MAST2: variants seen among roughly 807,000 people sequenced by gnomAD.
The protein encoded by MAST2 is microtubule associated serine/threonine kinase 2.
Under a neutral mutation model 147.4 loss-of-function variants are expected in MAST2, and 70 were observed. The observed-to-expected ratio is 0.47, with a 90% CI of 0.39 to 0.58. The LOEUF (loss-of-function observed/expected upper bound fraction) is 0.58, where lower values mean the gene tolerates loss of function less well. MAST2 is among the 20% of genes least tolerant of loss of function. MAST2 has a pLI of 0.00. For synonymous variants in MAST2, 869 were observed against 896.8 expected (o/e 0.97, Z 0.55); for missense variants, 2,080 against 2,302.3 (o/e 0.90, Z 1.98).
chr1:45,874,249 A>G (rs1033666207), intron 3 of MAST2, among the ~76,000 whole-genome samples: 4 of 152,130 alleles, frequency 2.6e-5, no homozygotes, highest in African/African-American at 9.7e-5. Flanking sequence ...AGTTTTCCAA[A>G]CTTTAAATTT....
intron 5 of MAST2, among the ~76,000 whole-genome samples, chr1:45,976,526 T>C (rs1478407447): frequency 6.6e-6 from 1 of 152,152 alleles, no homozygotes; most frequent in Admixed American, 6.5e-5. Context: ...CAAGGAAAAC[T>C]CTGGAAACAT....
At chr1:45,913,682 A>G (rs1652019714) in intron 4 of MAST2, 1 of 1,023,724 alleles carries the variant, frequency 9.8e-7, no homozygotes, top group South Asian at 3.3e-5. Context: ...TCTGAAGATC[A>G]TGTTTTTGAA....
intron 4 of MAST2, among the ~76,000 whole-genome samples, chr1:45,939,980 G>GTTTTTTTTTTTTTTTTTTTTTTTT (rs1174123217): frequency 6.2e-5 from 6 of 97,286 alleles, no homozygotes; most frequent in East Asian, 3.6e-4. Context: ...TTTATTTAGG[G>GTTTTTTTTTTTTTTTTTTTTTTTT]TTTTTTTTTT....
At chr1:46,006,564 G>C in intron 8 of MAST2, 169 bp downstream of exon 8, 1 of 462,560 alleles carries the variant, frequency 2.2e-6, no homozygotes. Context: ...TAGTATGAAA[G>C]TATCCACAAA....
chr1:45,916,279 T>C (rs1432825421), intron 4 of MAST2, among the ~76,000 whole-genome samples: 1 of 152,212 alleles, frequency 6.6e-6, no homozygotes, highest in Admixed American at 6.5e-5. Context: ...CAGGTACTTA[T>C]GTGATACTTA....
At chr1:45,840,564 G>A (rs1397123800) in intron 3 of MAST2, among the ~76,000 whole-genome samples, 2 of 152,030 alleles carry the variant, frequency 1.3e-5, no homozygotes, top group African/African-American at 2.4e-5. Flanking sequence ...TTAAGACTTC[G>A]CTCATGCAGT....
Position 46,030,138 on chromosome 1 carries a change from A to G in MAST2, c.2453A>G (p.Glu818Gly). The change falls in exon 21 of 29, where the codon GAG becomes GGG. Residue 818 changes from glutamate (E) to glycine (G), a missense_variant. Physicochemically the swap from Glu to Gly is moderately conservative, Grantham distance 98 (BLOSUM62 -2). This residue lies in a region of MAST2 where 1,278 missense variants were observed against 1,304.2 expected (regional missense o/e 0.98). Transcript: ENST00000361297. ...DDTSYFDTRS[E>G]RYHHMDSEDE... Reference sequence around the variant, plus strand: ...TTTATGTCTGGCCCAGCCCGCTCAGAGCGATACCACCACATGGACTCGGAG... The same window carrying G: ...TTTATGTCTGGCCCAGCCCGCTCAGGGCGATACCACCACATGGACTCGGAG... 6.2e-7 allele frequency: 1 copy of G among 1,614,224 alleles called. No individual in the cohort carries two copies.
In MAST2 at chr1:45,821,885, C is replaced by CTTTTTTTTT. The variant is rs71587723; in HGVS notation, c.178-2536_178-2528dup. Among the ~76,000 whole-genome samples the CTTTTTTTTT allele has an allele frequency of 1.2e-4, 12 of 100,836 alleles. 1 individual carries two copies. Among genetic ancestry groups the CTTTTTTTTT allele is most frequent in the Admixed American group, 3.5e-4 (3 of 8,568 alleles). The allele number at this position is 100,836 out of a possible 152,430, so 66.2% of individuals were successfully genotyped here. A position where few individuals can be genotyped will look rare whatever the true frequency, so the allele number is the denominator to read the frequency against. ...TATTCATATATTGTTTCACCTTCAC[C>CTTTTTTTTT]TTTTTTTTTTTTTTTTTTTTGGTGA... On this transcript the variant is annotated intron_variant, in intron 1 of 28. Transcript: ENST00000361297.
chr1:45,941,286 G>A (rs1481761317), intron 4 of MAST2, among the ~76,000 whole-genome samples: 3 of 152,162 alleles, frequency 2.0e-5, no homozygotes, highest in Non-Finnish European at 4.4e-5. Flanking sequence ...TTTTGACAGA[G>A]TCTTGCTCTG....
At chr1:45,982,348 T>A (rs1644444249) in intron 5 of MAST2, among the ~76,000 whole-genome samples, 1 of 152,180 alleles carries the variant, frequency 6.6e-6, no homozygotes, top group African/African-American at 2.4e-5. Context: ...GTGAGGTGAC[T>A]CGTAGTGGGC....
intron 3 of MAST2, among the ~76,000 whole-genome samples, chr1:45,836,734 G>A (rs935376819): frequency 6.6e-6 from 1 of 152,178 alleles, no homozygotes; most frequent in African/African-American, 2.4e-5. Context: ...CGTTTTAAGT[G>A]TTCAGTTTGA....
chr1:46,025,134 C>G (rs1205139379), intron 15 of MAST2, among the ~76,000 whole-genome samples: 2 of 152,140 alleles, frequency 1.3e-5, no homozygotes, highest in African/African-American at 4.8e-5. Flanking sequence ...GCCTGACCAA[C>G]ATGGCGAAAC....
At chr1:45,884,539 G>C (rs1270002069) in intron 4 of MAST2, among the ~76,000 whole-genome samples, 1 of 152,018 alleles carries the variant, frequency 6.6e-6, no homozygotes, top group Non-Finnish European at 1.5e-5. Context: ...GCGACAGAGT[G>C]ATGCGCCGTC....
intron 3 of MAST2, among the ~76,000 whole-genome samples, chr1:45,881,369 A>G (rs1352661054): frequency 1.3e-5 from 2 of 152,258 alleles, no homozygotes; most frequent in African/African-American, 4.8e-5. Context: ...GCTGATGTCA[A>G]CAGAGGAATA....
At chr1:45,911,853 A>ATTAT (rs1651715072) in intron 4 of MAST2, among the ~76,000 whole-genome samples, 15 of 135,792 alleles carry the variant, frequency 1.1e-4, no homozygotes, top group African/African-American at 3.9e-4. Context: ...TATTATTGTT[A>ATTAT]TATTATTATT....
intron 3 of MAST2, among the ~76,000 whole-genome samples, chr1:45,873,354 G>T (rs950605571): frequency 2.0e-5 from 3 of 151,812 alleles, no homozygotes; most frequent in Non-Finnish European, 4.4e-5. Flanking sequence ...CACCACTCCT[G>T]GCTAATTTTT....
rs112005449 is a variant in MAST2, at chr1:45,946,726, C to G, written c.501-12660C>G. Among the ~76,000 whole-genome samples the G allele has an allele frequency of 2.8e-4, 42 of 152,156 alleles. 1 individual carries two copies. The Middle Eastern group carries it at 0.034, about 123-fold the overall frequency. On this transcript the variant is annotated intron_variant, in intron 4 of 28. Coordinates refer to ENST00000361297, the MANE Select transcript of MAST2 (RefSeq NM_015112.3). ...TTCAGTGTAGAGATAATCTGTACCTCTTTATTTTTTGTCTGGCTCAAGATA... is the reference window on the plus strand; with the variant it reads ...TTCAGTGTAGAGATAATCTGTACCTGTTTATTTTTTGTCTGGCTCAAGATA...
chr1:45,953,544 A>G (rs1225689520), intron 4 of MAST2, among the ~76,000 whole-genome samples: 2 of 152,194 alleles, frequency 1.3e-5, no homozygotes, highest in Non-Finnish European at 2.9e-5. Flanking sequence ...AGGTAGACCA[A>G]AGGGGATTCA....
At chr1:45,933,666 A>G (rs1655726206) in intron 4 of MAST2, among the ~76,000 whole-genome samples, 1 of 151,922 alleles carries the variant, frequency 6.6e-6, no homozygotes. Context: ...AGGCAGGAGA[A>G]TTGCTTGAAC....
Sources: allele counts gnomAD v4.1 joint callset (sites outside exome capture counted in the v4.1 genomes callset), GRCh38; gene constraint gnomAD v4.1.1; regional missense constraint gnomAD v4.1.1; transcripts MANE v1.5; gene names NCBI Gene and HGNC (gene_info 2026-07-23, HGNC 2026-07-21).